PKD1L1: variants seen among roughly 807,000 people sequenced by gnomAD.
PKD1L1 encodes the protein polycystin 1 like 1, transient receptor potential channel interacting, also known as polycystin-1-like protein 1.
PKD1L1 carries 236 observed loss-of-function variants against 323.4 expected under a neutral mutation model. The ratio of observed to expected loss-of-function variants is 0.73; its 90% CI spans 0.66 to 0.81. The LOEUF (loss-of-function observed/expected upper bound fraction) is 0.81. PKD1L1 is among the 40% of genes least tolerant of loss of function. The pLI is 0.00. For missense variants in PKD1L1, 3,320 were observed against 3,508.0 expected (o/e 0.95, Z 1.35); for synonymous variants, 1,344 against 1,335.0 (o/e 1.01, Z -0.15).
At chr7:47,877,413 A>G in intron 22 of PKD1L1, 76 bp downstream of exon 22, 2 of 1,566,468 alleles carry the variant, frequency 1.3e-6, no homozygotes, top group Non-Finnish European at 1.7e-6. Context: ...CCATTCCTAC[A>G]GCACCCGTGA....
intron 7 of PKD1L1, among the ~76,000 whole-genome samples, chr7:47,916,838 C>A (rs550868671): frequency 6.6e-6 from 1 of 152,272 alleles, no homozygotes; most frequent in South Asian, 2.1e-4. Context: ...AGCCTTCAGC[C>A]CTAGACCTTC....
chr7:47,873,676 G>GAAA lies in PKD1L1; in HGVS notation c.3896+222_3896+223insTTT, dbSNP rs1562967528. 1.5e-3 allele frequency among the ~76,000 whole-genome samples: 196 copies of GAAA among 131,840 alleles called. 5 individuals are homozygous for GAAA. Among genetic ancestry groups the GAAA allele is most frequent in the African/African-American group, 2.3e-3 (76 of 33,382 alleles). 86.5% of individuals were successfully genotyped at this position (131,840 alleles called of 152,430 possible). On this transcript the variant is annotated intron_variant, in intron 24 of 56. Coordinates refer to ENST00000289672, the MANE Select transcript of PKD1L1 (RefSeq NM_138295.5). ...AAAAAAAAAAAAAAAAAAAAAGAAGGAGAAGAAAGTAGCTTTATAGGCTCT... is the reference window on the plus strand; with the variant it reads ...AAAAAAAAAAAAAAAAAAAAAGAAGGAAAAGAAGAAAGTAGCTTTATAGGCTCT...
At chr7:47,794,651 A>G (rs1005997930) in intron 55 of PKD1L1, among the ~76,000 whole-genome samples, 1 of 152,156 alleles carries the variant, frequency 6.6e-6, no homozygotes. Context: ...CAGACTCCAG[A>G]ATGGTGGATC....
chr7:47,851,947 A>G (rs1785791228), intron 31 of PKD1L1, among the ~76,000 whole-genome samples: 1 of 152,220 alleles, frequency 6.6e-6, no homozygotes, highest in East Asian at 1.9e-4. Flanking sequence ...AAATATAAAG[A>G]GCTATAGAAG....
chr7:47,906,898 A>C (rs1787217620), intron 9 of PKD1L1, among the ~76,000 whole-genome samples: 1 of 125,800 alleles, frequency 7.9e-6, no homozygotes, highest in South Asian at 2.1e-4. Flanking sequence ...CAAAAGTGTT[A>C]AAAAAAAAAG....
At position 47,827,331 on chromosome 7, in the gene PKD1L1, G is replaced by T. The variant is rs373271348; in HGVS notation, c.6854+19C>A. 6.3e-7 allele frequency: 1 copy of T among 1,586,308 alleles called. No individual in the cohort carries two copies. The highest frequency in any genetic ancestry group is 1.7e-5 in the Admixed American group (1 of 58,324). ...GAGCTGGAGTGGAGCAAGCCCTCCC[G>T]ACAGAAGCCGCCACCCACCTCAGGG... is the stretch of plus-strand genomic sequence containing the variant. On this transcript the variant is annotated intron_variant, in intron 45 of 56. Coordinates refer to ENST00000289672, the MANE Select transcript of PKD1L1 (RefSeq NM_138295.5).
intron 23 of PKD1L1, among the ~76,000 whole-genome samples, chr7:47,875,689 T>C (rs921365104): frequency 1.3e-5 from 2 of 152,208 alleles, no homozygotes; most frequent in East Asian, 1.9e-4. Context: ...GTTACTAACA[T>C]GCTAACTCAC....
chr7:47,778,221 GGGAA>G (rs1469250971), intron 56 of PKD1L1, among the ~76,000 whole-genome samples: 3 of 152,252 alleles, frequency 2.0e-5, no homozygotes, highest in South Asian at 4.1e-4. Context: ...GCTTAGGCTG[GGGAA>G]GGAAGACCAC....
chr7:47,912,011 G>T (rs1787333200), intron 8 of PKD1L1, among the ~76,000 whole-genome samples: 1 of 151,500 alleles, frequency 6.6e-6, no homozygotes, highest in South Asian at 2.1e-4. Context: ...GAAAAGGAGG[G>T]AGAAAAGACC....
At chr7:47,928,308 C>A (rs959743840) in intron 7 of PKD1L1, among the ~76,000 whole-genome samples, 2 of 152,196 alleles carry the variant, frequency 1.3e-5, no homozygotes. Flanking sequence ...GTGGCTCACA[C>A]CTGTAATCCC....
chr7:47,948,320 G>A lies in PKD1L1; in HGVS notation c.44+77C>T, dbSNP rs1788143203. On this transcript the variant is annotated intron_variant, in intron 1 of 56. Coordinates refer to ENST00000289672, the MANE Select transcript of PKD1L1 (RefSeq NM_138295.5). ...AGTGAGCCCACATCCTAGAGGTGAT[G>A]ACTTTTGAAAGAAAATTTCTGAATG... 8 of 1,544,552 alleles carry A rather than the reference G, an allele frequency of 5.2e-6. No homozygotes were observed. The East Asian group carries it at 1.3e-4, about 26-fold the overall frequency.
At chr7:47,781,639 G>C (rs1211804152) in intron 56 of PKD1L1, among the ~76,000 whole-genome samples, 1 of 151,864 alleles carries the variant, frequency 6.6e-6, no homozygotes, top group Non-Finnish European at 1.5e-5. Flanking sequence ...TCGATTTCCT[G>C]ACGTAGTGAT....
chr7:47,923,325 C>G (rs1032331002), intron 7 of PKD1L1, among the ~76,000 whole-genome samples: 1 of 98,134 alleles, frequency 1.0e-5, no homozygotes, highest in Non-Finnish European at 1.9e-5. Context: ...CAAGAATGAT[C>G]AATAAATACT....
upstream of PKD1L1, among the ~76,000 whole-genome samples, chr7:47,950,752 C>T (rs1788193026): frequency 6.6e-6 from 1 of 152,180 alleles, no homozygotes; most frequent in Non-Finnish European, 1.5e-5. Context: ...CATCATTAGC[C>T]ATATTTCAAG....
intron 7 of PKD1L1, among the ~76,000 whole-genome samples, chr7:47,927,110 C>CA (rs576472854): frequency 2.2e-3 from 334 of 151,232 alleles, no homozygotes; most frequent in Non-Finnish European, 3.5e-3. Context: ...TCCATAAACT[C>CA]AGAGTAAGGA....
chr7:47,915,469 A>T lies in PKD1L1; in HGVS notation c.1191T>A (p.Ser397Arg). ...ENSCLEDSDP[S>R]NLGYELISAF... ...CAGAAATAAGCTCATATCCAAGGTT[A>T]CTGGGGTCTGAGTCTTCCAGGCAGC... Residue 397 changes from serine to arginine, a missense_variant, in exon 8 of 57, where the codon AGT (serine) becomes AGA (arginine). Ser to Arg is a moderately radical substitution (Grantham distance 110). Coordinates refer to ENST00000289672, the MANE Select transcript of PKD1L1 (RefSeq NM_138295.5). The T allele has an allele frequency of 9.1e-7, 1 of 1,103,126 alleles. No individual in the cohort carries two copies. The highest frequency in any genetic ancestry group is 1.2e-5 in the South Asian group (1 of 80,874). The allele number at this position is 1,103,126 out of a possible 1,614,324, so 68.3% of individuals were successfully genotyped here.
chr7:47,827,589 G>A, intron 44 of PKD1L1, 121 bp from the exon 45 acceptor site: 1 of 747,978 alleles, frequency 1.3e-6, no homozygotes, highest in Non-Finnish European at 2.1e-6. Context: ...CTGGCATTTG[G>A]GAACAAAGAG....
chr7:47,820,983 T>C, intron 46 of PKD1L1, 93 bp downstream of exon 46: 1 of 714,296 alleles, frequency 1.4e-6, no homozygotes, highest in Non-Finnish European at 2.4e-6. Flanking sequence ...TTCCAGTATT[T>C]CATATGTGGG....
chr7:47,955,895 T>C, the PKD1L1 span, among the ~76,000 whole-genome samples: 37 of 152,334 alleles, frequency 2.4e-4, no homozygotes, highest in African/African-American at 8.7e-4. Flanking sequence ...ATACCATTTT[T>C]ACCTCTTGAT....
Sources: allele counts gnomAD v4.1 joint callset (sites outside exome capture counted in the v4.1 genomes callset), GRCh38; gene constraint gnomAD v4.1.1; transcripts MANE v1.5; gene names NCBI Gene and HGNC (gene_info 2026-07-23, HGNC 2026-07-21).